Variants in HDHD2 observed in about 807,000 individuals in gnomAD.
HDHD2 encodes haloacid dehalogenase-like hydrolase domain-containing protein 2.
In HDHD2, 26 loss-of-function variants were observed where a neutral mutation model predicts 24.8. That is an observed-to-expected ratio of 1.05 (90% confidence interval 0.77 to 1.45). The LOEUF (loss-of-function observed/expected upper bound fraction) is 1.45. HDHD2 is among the 40% of genes most tolerant of loss of function. HDHD2 has a pLI of 0.00. For synonymous variants in HDHD2, 128 were observed against 114.9 expected (o/e 1.11, Z -0.73); for missense variants, 299 against 313.4 (o/e 0.95, Z 0.35).
intron 1 of HDHD2, chr18:47,137,027 A>T: frequency 1.4e-6 from 1 of 689,798 alleles, no homozygotes; most frequent in Non-Finnish European, 2.7e-6. Context: ...CATGGCCAAC[A>T]AAAAGCCCAA....
At chr18:47,136,936 C>T (rs1322715485) in intron 1 of HDHD2, 1 of 477,186 alleles carries the variant, frequency 2.1e-6, no homozygotes, top group Non-Finnish European at 3.8e-6. Flanking sequence ...CCACCACTGC[C>T]ACCTCCTCCT....
At chr18:47,130,938 ACAAT>A (rs1199522062) in intron 3 of HDHD2, among the ~76,000 whole-genome samples, 1 of 152,184 alleles carries the variant, frequency 6.6e-6, no homozygotes, top group Non-Finnish European at 1.5e-5. Context: ...TTCAGACATG[ACAAT>A]CAAACGAGTA....
At chr18:47,136,257 G>GCCAT in intron 2 of HDHD2, 82 bp downstream of exon 2, 4 of 1,559,504 alleles carry the variant, frequency 2.6e-6, no homozygotes, top group Non-Finnish European at 3.5e-6. Context: ...CCATCTTAAG[G>GCCAT]CCATCCATTT....
intron 1 of HDHD2, among the ~76,000 whole-genome samples, chr18:47,142,952 G>GAAACA (rs2063833264): frequency 6.6e-6 from 1 of 151,958 alleles, no homozygotes; most frequent in African/African-American, 2.4e-5. Context: ...ACTCTTAAAT[G>GAAACA]AAACAGAATT....
intron 5 of HDHD2, among the ~76,000 whole-genome samples, chr18:47,113,778 T>C (rs56101223): frequency 0.012 from 1,771 of 152,142 alleles, 20 homozygotes; most frequent in Non-Finnish European, 0.019. Flanking sequence ...AAACCATTAA[T>C]ATTGTTCAAC....
intron 4 of HDHD2, among the ~76,000 whole-genome samples, chr18:47,126,285 G>T (rs140700807): frequency 1.3e-5 from 2 of 152,288 alleles, no homozygotes; most frequent in East Asian, 3.9e-4. Flanking sequence ...GAAATATTCA[G>T]GAGTTAGCGT....
intron 1 of HDHD2, among the ~76,000 whole-genome samples, chr18:47,140,075 T>C (rs2063806045): frequency 6.6e-6 from 1 of 152,228 alleles, no homozygotes. Context: ...TTTTTACCAA[T>C]TGCTTAGTTT....
intron 6 of HDHD2, chr18:47,111,178 T>G: frequency 1.0e-6 from 1 of 985,318 alleles, no homozygotes; most frequent in Non-Finnish European, 1.2e-6. Context: ...TTACACATTT[T>G]GGACTTGATT....
intron 4 of HDHD2, among the ~76,000 whole-genome samples, chr18:47,127,635 GT>G (rs1458668477): frequency 7.5e-6 from 1 of 133,504 alleles, no homozygotes; most frequent in Admixed American, 8.1e-5. Context: ...CAAACTTTGG[GT>G]TTTTTTGTTT....
chr18:47,113,364 G>A (rs578252342), intron 5 of HDHD2, among the ~76,000 whole-genome samples: 1 of 152,168 alleles, frequency 6.6e-6, no homozygotes, highest in African/African-American at 2.4e-5. Flanking sequence ...ACAGATCATG[G>A]AAAAATGCAT....
chr18:47,125,807 T>C (rs1353958829), intron 4 of HDHD2, among the ~76,000 whole-genome samples: 2 of 152,192 alleles, frequency 1.3e-5, no homozygotes, highest in African/African-American at 4.8e-5. Flanking sequence ...GGGGGTTACA[T>C]AGGTATATCT....
At chr18:47,136,108 T>C (rs2063763470) in intron 2 of HDHD2, among the ~76,000 whole-genome samples, 1 of 152,142 alleles carries the variant, frequency 6.6e-6, no homozygotes, top group African/African-American at 2.4e-5. Flanking sequence ...GAAAATGACA[T>C]ACATATAGAA....
chr18:47,134,540 C>T lies in HDHD2; in HGVS notation c.266G>A (p.Arg89Lys). ...CCGATCATCAACTAGCAGCATGGGT[C>T]TGACTTGTTTCCGCTCTAGTAAACT... ...ARSLLERKQVRPMLLVDDRAL... is the reference protein window; with the variant it reads ...ARSLLERKQVKPMLLVDDRAL... The change falls in exon 3 of 7, where the codon AGA becomes AAA. Residue 89 changes from arginine to lysine, a missense_variant. Transcript: ENST00000300605. 3 of 1,614,186 alleles carry T rather than the reference C, an allele frequency of 1.9e-6. No homozygotes were observed. Among genetic ancestry groups the T allele is most frequent in the Non-Finnish European group, 1.7e-6 (2 of 1,180,018 alleles).
At chr18:47,115,438 T>C (rs2063551178) in intron 4 of HDHD2, 90 bp from the exon 5 acceptor site, 1 of 808,056 alleles carries the variant, frequency 1.2e-6, no homozygotes, top group Non-Finnish European at 2.0e-6. Flanking sequence ...AGTGGCTGTA[T>C]TCACACCCAC....
At chr18:47,137,319 CTTT>C in intron 1 of HDHD2, 2 of 399,358 alleles carry the variant, frequency 5.0e-6, no homozygotes, top group South Asian at 4.8e-5. Context: ...GAACCTGCTT[CTTT>C]ACTCCAGAAT....
chr18:47,146,617 T>A (rs1470734170), intron 1 of HDHD2, among the ~76,000 whole-genome samples: 1 of 152,104 alleles, frequency 6.6e-6, no homozygotes, highest in African/African-American at 2.4e-5. Context: ...ACAGAATGGA[T>A]AAATAAGTTG....
rs2063817617 is a variant in HDHD2, at chr18:47,141,298, T to C, written c.-10-4849A>G. Among the ~76,000 whole-genome samples the C allele has an allele frequency of 3.3e-5, 5 of 152,330 alleles. 1 individual carries two copies. The South Asian group carries it at 1.0e-3, about 32-fold the overall frequency. On this transcript the variant is annotated intron_variant, in intron 1 of 6. Transcript: ENST00000300605. ...GCACAAATCCAATGCAGTCCTGATA[T>C]ATTATCTTTTTTTACTTACTGCTAG... is the stretch of plus-strand genomic sequence containing the variant.
intron 1 of HDHD2, among the ~76,000 whole-genome samples, chr18:47,142,643 G>C (rs1236052017): frequency 1.3e-5 from 2 of 152,022 alleles, no homozygotes; most frequent in African/African-American, 4.8e-5. Context: ...AAAATAATGA[G>C]GAAAATACAT....
chr18:47,122,064 T>G (rs1027405493), intron 4 of HDHD2, among the ~76,000 whole-genome samples: 1 of 152,154 alleles, frequency 6.6e-6, no homozygotes, highest in African/African-American at 2.4e-5. Flanking sequence ...TCTTCCTCAC[T>G]AGAACAGTCT....
Sources: gnomAD v4.1 joint callset for allele counts (sites outside exome capture counted in the v4.1 genomes callset) on GRCh38, gnomAD v4.1.1 for gene constraint, MANE v1.5 for transcripts, NCBI Gene and HGNC (gene_info 2026-07-23, HGNC 2026-07-21) for gene names.